SF3B3: variants seen among roughly 807,000 people sequenced by gnomAD.
SF3B3 encodes the protein SAP 130.
Under a neutral mutation model 139.2 loss-of-function variants are expected in SF3B3, and 33 were observed. The ratio of observed to expected loss-of-function variants is 0.24; its 90% CI spans 0.18 to 0.32. The LOEUF (loss-of-function observed/expected upper bound fraction) is 0.32. Ranked by LOEUF, SF3B3 falls within the 10% of genes least tolerant of loss-of-function variation. SF3B3 has a pLI of 1.00. For missense variants in SF3B3, 818 were observed against 1,509.4 expected (o/e 0.54, Z 7.59); for synonymous variants, 596 against 563.6 (o/e 1.06, Z -0.81).
At chr16:70,530,020 G>A (rs1486344396) in intron 3 of SF3B3, among the ~76,000 whole-genome samples, 1 of 17,848 alleles carries the variant, frequency 5.6e-5, no homozygotes, top group East Asian at 0.014. Context: ...TGTAATCCCA[G>A]CTACTTGGGG....
At position 70,575,462 on chromosome 16, in the gene SF3B3, G is replaced by C. The variant is rs2050571578; in HGVS notation, c.*3649G>C. On this transcript the variant is annotated 3_prime_UTR_variant, in exon 26 of 26. Transcript: ENST00000302516. ...GATCCACCCACCTTGGTCTCCCAAA[G>C]CGCTGGGATTACAGGCGTGAGCCAC... 1 of 152,328 alleles carries C rather than the reference G, an allele frequency of 6.6e-6. No homozygotes were observed. The allele number at this position is 152,328 out of a possible 1,614,324, so 9.4% of individuals were successfully genotyped here.
In SF3B3 at chr16:70,575,043, C is replaced by G. The variant is rs769127120; in HGVS notation, c.*3230C>G. 2 of 152,126 alleles carry G rather than the reference C, an allele frequency of 1.3e-5. No individual in the cohort carries two copies. Among genetic ancestry groups the G allele is most frequent in the African/African-American group, 2.4e-5 (1 of 41,404 alleles). 9.4% of individuals were successfully genotyped at this position (152,126 alleles called of 1,614,324 possible). A position where few individuals can be genotyped will look rare whatever the true frequency, so the allele number is the denominator to read the frequency against. On this transcript the variant is annotated 3_prime_UTR_variant, in exon 26 of 26. Transcript: ENST00000302516. ...AGGGACTCTTAAAACACCTGCTTGG[C>G]CATGGTTGATTGACATTTGAGTGAT...
chr16:70,531,602 C>T (rs1297810924), intron 4 of SF3B3, among the ~76,000 whole-genome samples: 2 of 152,178 alleles, frequency 1.3e-5, no homozygotes, highest in African/African-American at 4.8e-5. Flanking sequence ...TAATTCTGTC[C>T]TGCTAGCAGA....
intron 8 of SF3B3, among the ~76,000 whole-genome samples, chr16:70,541,041 A>G (rs2050215037): frequency 6.6e-6 from 1 of 152,178 alleles, no homozygotes; most frequent in African/African-American, 2.4e-5. Flanking sequence ...TAGCAGCCAC[A>G]CCATTTTACA....
intron 25 of SF3B3, 74 bp from the exon 26 acceptor site, chr16:70,571,599 G>A: frequency 6.7e-7 from 1 of 1,492,210 alleles, no homozygotes; most frequent in African/African-American, 1.4e-5. Flanking sequence ...TTCCCTACAA[G>A]TGCTGCTTTA....
chr16:70,563,979 A>G lies in SF3B3; in HGVS notation c.2392A>G (p.Ile798Val), dbSNP rs761361084. The change falls in exon 18 of 26, where the codon ATT (isoleucine) becomes GTT (valine). Residue 798 changes from isoleucine (I) to valine (V), a missense_variant. Physicochemically the swap from Ile to Val is conservative, Grantham distance 29. Around this residue, in one of 14 missense-constraint regions of SF3B3, gnomAD observed 34 missense variants for 30.5 expected, o/e 1.12. Coordinates refer to ENST00000302516, the MANE Select transcript of SF3B3 (RefSeq NM_012426.5). ...FVIHPESNNLIIIETDHNAYT... is the reference protein window; with the variant it reads ...FVIHPESNNLVIIETDHNAYT... Reference sequence around the variant, plus strand: ...CATCCACCCTGAGAGTAACAACCTTATTATCATTGAAACGGACCACAATGC... The same window carrying G: ...CATCCACCCTGAGAGTAACAACCTTGTTATCATTGAAACGGACCACAATGC... 2.7e-5 allele frequency: 44 copies of G among 1,614,020 alleles called. No individual in the cohort carries two copies. Among genetic ancestry groups the G allele is most frequent in the Admixed American group, 1.7e-4 (10 of 59,998 alleles).
rs1567409413 is a variant in SF3B3 at position 70,530,936 on chromosome 16, CTT to C, written c.570+21_570+22del. 7 of 1,580,388 alleles carry C rather than the reference CTT, an allele frequency of 4.4e-6. No homozygotes were observed. The highest frequency in any genetic ancestry group is 1.9e-5 in the Admixed American group (1 of 52,252). On this transcript the variant is annotated intron_variant, in intron 4 of 25. Transcript: ENST00000302516. ...TTATGAGGTAATGGGGACCCTGTCT[CTT>C]TGCGTTTCTTTCAGTCACCTCAGTG... is the stretch of plus-strand genomic sequence containing the variant.
At chr16:70,528,851 T>C (rs781617282) in intron 2 of SF3B3, 22 bp from the exon 3 acceptor site, 3 of 1,573,116 alleles carry the variant, frequency 1.9e-6, no homozygotes, top group East Asian at 4.5e-5. Flanking sequence ...TTGTTTATGA[T>C]CTTTATTTTT....
rs1038333495 is a variant in SF3B3 at position 70,575,616 on chromosome 16, C to T, written c.*3803C>T. On this transcript the variant is annotated 3_prime_UTR_variant, in exon 26 of 26. Coordinates refer to ENST00000302516, the MANE Select transcript of SF3B3 (RefSeq NM_012426.5). ...TGAACCACCACCTCCCAGCTCTGTT[C>T]TGCACCCAGAGGTTGGAGGAGAGTT... The T allele has an allele frequency of 6.6e-6, 1 of 152,278 alleles. No homozygotes were observed. Among genetic ancestry groups the T allele is most frequent in the African/African-American group, 2.4e-5 (1 of 41,460 alleles). 9.4% of individuals were successfully genotyped at this position (152,278 alleles called of 1,614,324 possible).
intron 1 of SF3B3, among the ~76,000 whole-genome samples, chr16:70,526,247 G>A (rs1412063323): frequency 2.0e-5 from 3 of 151,048 alleles, no homozygotes; most frequent in Non-Finnish European, 2.9e-5. Flanking sequence ...TCATTCTGTC[G>A]CCCAGCCTGG....
rs753373552 is a variant in SF3B3 at position 70,560,571 on chromosome 16, C to T, written c.2113C>T (p.Arg705Ter). ...CCGTCCTGTGAAGCTCTTCCGAGTC[C>T]GAATGCAAGGCCAGGAGGCAGTAAG... Reference protein sequence around the residue: ...GSRPVKLFRVRMQGQEAVLAM... With the variant: ...GSRPVKLFRV The change falls in exon 16 of 26, where the codon CGA becomes TGA. Residue 705 changes from arginine to a stop codon, truncating the protein, a stop_gained. Transcript: ENST00000302516. LOFTEE classifies it high-confidence loss of function. The T allele has an allele frequency of 1.9e-6, 3 of 1,613,582 alleles. No individual in the cohort carries two copies. The highest frequency in any genetic ancestry group is 1.7e-6 in the Non-Finnish European group (2 of 1,179,644).
At position 70,577,657 on chromosome 16, in the gene SF3B3, C is replaced by G. The variant is rs920372970; in HGVS notation, c.*5844C>G. ...GCATTGGCACTCGGAATAAAGCGCA[C>G]TATTGTCACTAGGTTGGCATTTCTT... On this transcript the variant is annotated 3_prime_UTR_variant, in exon 26 of 26. Transcript: ENST00000302516. The G allele has an allele frequency of 1.2e-4, 19 of 152,144 alleles. No homozygotes were observed. The highest frequency in any genetic ancestry group is 4.1e-4 in the African/African-American group (17 of 41,434). The allele number at this position is 152,144 out of a possible 1,614,324, so 9.4% of individuals were successfully genotyped here.
At chr16:70,527,131 T>G (rs1025361817) in intron 2 of SF3B3, 5 of 175,866 alleles carry the variant, frequency 2.8e-5, no homozygotes, top group Non-Finnish European at 6.0e-5. Flanking sequence ...GACCTTGGTT[T>G]GGTGCTTGAA....
In SF3B3 at chr16:70,572,669, T is replaced by G. The variant is rs1441104225; in HGVS notation, c.*856T>G. On this transcript the variant is annotated 3_prime_UTR_variant, in exon 26 of 26. Coordinates refer to ENST00000302516, the MANE Select transcript of SF3B3 (RefSeq NM_012426.5). ...TACTGATACAGCACCTAAAGCGATCTTTGGCTCCATAGGACCATAGGAAGG... is the reference window on the plus strand; with the variant it reads ...TACTGATACAGCACCTAAAGCGATCGTTGGCTCCATAGGACCATAGGAAGG... 3 of 153,524 alleles carry G rather than the reference T, an allele frequency of 2.0e-5. No homozygotes were observed. The highest frequency in any genetic ancestry group is 6.5e-5 in the Admixed American group (1 of 15,372). 9.5% of individuals were successfully genotyped at this position (153,524 alleles called of 1,614,324 possible). A position where few individuals can be genotyped will look rare whatever the true frequency, so the allele number is the denominator to read the frequency against.
In SF3B3 at chr16:70,555,167, C is replaced by T; in HGVS notation, c.1671C>T (p.Ala557=). The T allele has an allele frequency of 6.2e-7, 1 of 1,613,906 alleles. No individual in the cohort carries two copies. The highest frequency in any genetic ancestry group is 1.3e-5 in the African/African-American group (1 of 74,994). ...TGAACCAGCGACAAGTGGTGATTGC[C>T]CTGACAGGAGGAGAGCTGGTCTATT... ...CAVNQRQVVI[A]LTGGELVYFE... The change falls in exon 13 of 26, where the codon GCC becomes GCT. Residue 557 remains alanine, a synonymous_variant. Transcript: ENST00000302516.
chr16:70,533,881 A>T (rs556071220), intron 5 of SF3B3, among the ~76,000 whole-genome samples: 5 of 152,270 alleles, frequency 3.3e-5, no homozygotes, highest in Admixed American at 3.3e-4. Context: ...CCTTTCATTT[A>T]CAAGGGCTTT....
chr16:70,530,433 C>T (rs564975632), intron 3 of SF3B3, among the ~76,000 whole-genome samples: 51 of 151,842 alleles, frequency 3.4e-4, no homozygotes, highest in African/African-American at 1.2e-3. Context: ...AATTCTCCTG[C>T]CCCAGCCTCC....
chr16:70,557,977 G>T (rs1457009854), intron 15 of SF3B3, among the ~76,000 whole-genome samples: 2 of 152,116 alleles, frequency 1.3e-5, no homozygotes, highest in Non-Finnish European at 1.5e-5. Context: ...AGTTGGTTGT[G>T]CTCAGGACCT....
At chr16:70,551,217 G>C (rs2050321615) in intron 11 of SF3B3, among the ~76,000 whole-genome samples, 1 of 152,158 alleles carries the variant, frequency 6.6e-6, no homozygotes, top group Admixed American at 6.5e-5. Context: ...GTCCTTAGCA[G>C]TGTTCAGACA....
Sources: gnomAD v4.1 joint callset for allele counts (sites outside exome capture counted in the v4.1 genomes callset) on GRCh38, gnomAD v4.1.1 for gene constraint, gnomAD v4.1.1 regional missense constraint, MANE v1.5 for transcripts, NCBI Gene and HGNC (gene_info 2026-07-23, HGNC 2026-07-21) for gene names.